The following GRHL1 variants were observed in gnomAD, a reference collection of about 807,000 sequenced individuals.
GRHL1 encodes grainyhead-like protein 1 homolog.
GRHL1 carries 38 observed loss-of-function variants against 75.7 expected under a neutral mutation model. The observed-to-expected ratio is 0.50, with a 90% CI of 0.39 to 0.66. The LOEUF (loss-of-function observed/expected upper bound fraction) is 0.66. GRHL1 is among the 30% of genes least tolerant of loss of function. GRHL1 has a pLI of 0.00. For synonymous variants in GRHL1, 266 were observed against 279.4 expected, an observed-to-expected ratio of 0.95 and a Z score of 0.48; for missense variants, 589 against 767.5, an observed-to-expected ratio of 0.77 and a Z score of 2.75.
chr2:9,977,551 G>A lies in GRHL1; in HGVS notation c.1111-8573G>A, dbSNP rs1392967902. 3.3e-5 allele frequency among the ~76,000 whole-genome samples: 5 copies of A among 152,266 alleles called. No homozygotes were observed. In the South Asian group the frequency reaches 1.0e-3, roughly 32 times the overall value. On this transcript the variant is annotated intron_variant, in intron 8 of 15. Coordinates refer to ENST00000324907, the MANE Select transcript of GRHL1 (RefSeq NM_198182.3). The stretch of plus-strand genomic sequence containing the variant: ...TGGCCAGGCTGGTCTCAAATTCCTG[G>A]CCTCAAGTGATCCGCCCGCCTCGGC...
rs1667583650 is a variant in GRHL1, at chr2:9,968,585, A to C, written c.1110+3204A>C. On this transcript the variant is annotated intron_variant, in intron 8 of 15. Coordinates refer to ENST00000324907, the MANE Select transcript of GRHL1 (RefSeq NM_198182.3). The surrounding 1 kb of genome is among the most constrained non-coding windows in gnomAD (Gnocchi z 4.7). Reference sequence around the variant, plus strand: ...TTGAGGTAATTTTTGCAGAGAGAAGAAGCAATTGCCTTTGAAGCATTAAAA... The same window carrying C: ...TTGAGGTAATTTTTGCAGAGAGAAGCAGCAATTGCCTTTGAAGCATTAAAA... 6.6e-6 allele frequency among the ~76,000 whole-genome samples: 1 copy of C among 152,214 alleles called. No homozygotes were observed. The highest frequency in any genetic ancestry group is 2.4e-5 in the African/African-American group (1 of 41,452).
Position 9,958,848 on chromosome 2 carries a change from C to T in GRHL1, c.270C>T (p.His90=). 1 of 1,613,662 alleles carries T rather than the reference C, an allele frequency of 6.2e-7. No individual in the cohort carries two copies. Among genetic ancestry groups the T allele is most frequent in the Non-Finnish European group, 8.5e-7 (1 of 1,179,618 alleles). ...KPEVEHPEPD[H]SKRNSIPIVT... The stretch of plus-strand genomic sequence containing the variant: ...AGGTGGAGCACCCTGAGCCAGATCA[C>T]AGCAAAAGGTAACATTCAGTGCCTA... The change falls in exon 3 of 16, where the codon CAC becomes CAT. Residue 90 remains histidine, a synonymous_variant. Coordinates refer to ENST00000324907, the MANE Select transcript of GRHL1 (RefSeq NM_198182.3).
At chr2:9,996,038 TA>T in intron 13 of GRHL1, 68 bp downstream of exon 13, 2 of 1,024,956 alleles carry the variant, frequency 2.0e-6, no homozygotes, top group Non-Finnish European at 3.1e-6. Context: ...ATCAAAAGCA[TA>T]AATGGTTCAA....
chr2:9,954,806 C>A, intron 1 of GRHL1, 109 bp from the exon 2 acceptor site: 1 of 925,742 alleles, frequency 1.1e-6, no homozygotes, highest in South Asian at 1.4e-5. Context: ...TTCCTAGGGT[C>A]ATTGATGAAA....
chr2:9,954,929 T>C lies in GRHL1; in HGVS notation c.35T>C (p.Leu12Ser). Reference sequence around the variant, plus strand: ...TTTCTCTGAAGCAAACGGCCAGTGTTGGTTCTTCAGAATGAAGCACTTTAT... The same window carrying C: ...TTTCTCTGAAGCAAACGGCCAGTGTCGGTTCTTCAGAATGAAGCACTTTAT... ...TQEYDNKRPV[L>S]VLQNEALYPQ... Residue 12 changes from leucine to serine, a missense_variant, in exon 2 of 16, where the codon TTG becomes TCG. Coordinates refer to ENST00000324907, the MANE Select transcript of GRHL1 (RefSeq NM_198182.3). The C allele has an allele frequency of 1.2e-6, 2 of 1,613,560 alleles. No individual in the cohort carries two copies. The highest frequency in any genetic ancestry group is 1.7e-6 in the Non-Finnish European group (2 of 1,179,442).
chr2:9,951,921 G>GAGCC lies in GRHL1; in HGVS notation c.20+69_20+72dup. On this transcript the variant is annotated intron_variant, in intron 1 of 15. Coordinates refer to ENST00000324907, the MANE Select transcript of GRHL1 (RefSeq NM_198182.3). This position sits in a 1 kb window ranked among gnomAD's most constrained non-coding sequence, Gnocchi z 4.2. The stretch of plus-strand genomic sequence containing the variant: ...CTGAGGGGCCGCACCTGCAGCGAGC[G>GAGCC]AGCCGGGCGCAGACCCGAGGCCGCG... The GAGCC allele has an allele frequency of 8.8e-7, 1 of 1,134,336 alleles. No homozygotes were observed. Among genetic ancestry groups the GAGCC allele is most frequent in the East Asian group, 5.0e-5 (1 of 20,136 alleles). The allele number at this position is 1,134,336 out of a possible 1,614,324, so 70.3% of individuals were successfully genotyped here.
In GRHL1 at chr2:9,961,835, T is replaced by C. The variant is rs1159912061; in HGVS notation, c.669+399T>C. Reference sequence around the variant, plus strand: ...TATTATATCTTTGCTTGGTGTTTCTTGGTTGGTAATGTAGTCAGGGAGAGC... The same window carrying C: ...TATTATATCTTTGCTTGGTGTTTCTCGGTTGGTAATGTAGTCAGGGAGAGC... On this transcript the variant is annotated intron_variant, in intron 4 of 15. Transcript: ENST00000324907. 2.0e-5 allele frequency among the ~76,000 whole-genome samples: 3 copies of C among 152,250 alleles called. No homozygotes were observed. The East Asian group carries it at 5.8e-4, about 29-fold the overall frequency.
rs555628494 is a variant in GRHL1 at position 9,961,296 on chromosome 2, C to T, written c.529C>T (p.Pro177Ser). ...GGGAATCCCCCCAGCAGTGTATCAT[C>T]CTGAGCCCACTGAGCGGGTGGTGGT... is the stretch of plus-strand genomic sequence containing the variant. ...AVGIPPAVYH[P>S]EPTERVVVFD... Residue 177 changes from proline to serine, a missense_variant, in exon 4 of 16, where the codon CCT (proline) becomes TCT (serine). Physicochemically the swap from Pro to Ser is moderately conservative, Grantham distance 74. Transcript: ENST00000324907. 3 of 1,614,188 alleles carry T rather than the reference C, an allele frequency of 1.9e-6. No homozygotes were observed. The African/African-American group carries it at 4.0e-5, about 22-fold the overall frequency.
intron 3 of GRHL1, chr2:9,960,256 T>C (rs143798837): frequency 0.2 from 29,768 of 151,798 alleles, 4,131 homozygotes; most frequent in African/African-American, 0.4. Context: ...CTGGCCAACA[T>C]GGTAAAACCC....
intron 7 of GRHL1, 170 bp from the exon 8 acceptor site, chr2:9,965,117 C>T (rs2125213577): frequency 1.9e-6 from 1 of 530,748 alleles, no homozygotes; most frequent in East Asian, 2.9e-5. Context: ...TACAAAAACT[C>T]TGTGATTCTT....
rs1332500296 is a variant in GRHL1, at chr2:9,990,267, C to T, written c.1270-429C>T. Among the ~76,000 whole-genome samples the T allele has an allele frequency of 6.6e-6, 1 of 152,078 alleles. No individual in the cohort carries two copies. Among genetic ancestry groups the T allele is most frequent in the Non-Finnish European group, 1.5e-5 (1 of 68,022 alleles). ...AGGGGTTCAAGCAGTTCTCCTGCCT[C>T]AGCCTCCCAAGTAGCTGGGACTACA... On this transcript the variant is annotated intron_variant, in intron 9 of 15. Coordinates refer to ENST00000324907, the MANE Select transcript of GRHL1 (RefSeq NM_198182.3). The surrounding 1 kb of genome is among the most constrained non-coding windows in gnomAD (Gnocchi z 4.2).
chr2:9,991,003 C>T (rs1192554928), intron 10 of GRHL1, among the ~76,000 whole-genome samples: 2 of 152,160 alleles, frequency 1.3e-5, no homozygotes, highest in African/African-American at 2.4e-5. Context: ...GCTCTCAGTT[C>T]TAGTTCAGAC....
chr2:9,961,871 T>G (rs1667293427), intron 4 of GRHL1, among the ~76,000 whole-genome samples: 1 of 152,136 alleles, frequency 6.6e-6, no homozygotes, highest in Non-Finnish European at 1.5e-5. Context: ...ACAAATGCAT[T>G]GTGTGAGGTT....
Position 9,986,114 on chromosome 2 carries a change from C to A in GRHL1, c.1111-10C>A. The A allele has an allele frequency of 6.3e-7, 1 of 1,599,370 alleles. No individual in the cohort carries two copies. Among genetic ancestry groups the A allele is most frequent in the Non-Finnish European group, 8.5e-7 (1 of 1,173,188 alleles). ...CCTGTTGCTTATGGAACCTTCTCTT[C>A]CCTTGGCAGGTTTTCATCTCTGTGA... On this transcript the variant is annotated splice_polypyrimidine_tract_variant and intron_variant, in intron 8 of 15. Coordinates refer to ENST00000324907, the MANE Select transcript of GRHL1 (RefSeq NM_198182.3).
At chr2:9,985,975 C>G in intron 8 of GRHL1, 149 bp from the exon 9 acceptor site, 1 of 615,016 alleles carries the variant, frequency 1.6e-6, no homozygotes, top group Non-Finnish European at 2.8e-6. Flanking sequence ...CTGATCACCT[C>G]TTTTTAAAAA....
At chr2:9,998,608 A>ACATATG (rs1558320282) in intron 14 of GRHL1, among the ~76,000 whole-genome samples, 2 of 54,862 alleles carry the variant, frequency 3.6e-5, no homozygotes, top group South Asian at 4.1e-4. Context: ...ACATATATAT[A>ACATATG]TACATATATA....
Position 9,961,378 on chromosome 2 carries a change from C to T in GRHL1, c.611C>T (p.Ala204Val). ...QFSSGAQAPNAQRRTPDSTFS... is the reference protein window; with the variant it reads ...QFSSGAQAPNVQRRTPDSTFS... ...AGCTCTGGTGCTCAAGCCCCAAATG[C>T]TCAAAGGCGAACTCCAGACTCGACC... is the stretch of plus-strand genomic sequence containing the variant. The change falls in exon 4 of 16, where the codon GCT becomes GTT. Residue 204 changes from alanine (A) to valine (V), a missense_variant. Physicochemically the swap from Ala to Val is moderately conservative, Grantham distance 64 (BLOSUM62 0). Coordinates refer to ENST00000324907, the MANE Select transcript of GRHL1 (RefSeq NM_198182.3). 3 of 1,614,150 alleles carry T rather than the reference C, an allele frequency of 1.9e-6. No homozygotes were observed. The highest frequency in any genetic ancestry group is 2.5e-6 in the Non-Finnish European group (3 of 1,180,004).
At chr2:9,955,174 A>G in intron 2 of GRHL1, 73 bp downstream of exon 2, 1 of 971,986 alleles carries the variant, frequency 1.0e-6, no homozygotes, top group Non-Finnish European at 1.5e-6. Flanking sequence ...AGAAACAGAC[A>G]TTTGCTGGTA....
intron 5 of GRHL1, 23 bp from the exon 6 acceptor site, chr2:9,963,863 C>T: frequency 6.3e-7 from 1 of 1,583,914 alleles, no homozygotes; most frequent in Non-Finnish European, 8.6e-7. Flanking sequence ...ATTTAGAGAC[C>T]TGTGACTTTT....
Sources: gnomAD v4.1 joint callset for allele counts (sites outside exome capture counted in the v4.1 genomes callset) on GRCh38, gnomAD v4.1.1 for gene constraint, Gnocchi (gnomAD v3.1) non-coding constraint, MANE v1.5 for transcripts, NCBI Gene and HGNC (gene_info 2026-07-23, HGNC 2026-07-21) for gene names.